The following ASTN2 variants were observed in gnomAD, a reference collection of about 807,000 sequenced individuals.
ASTN2 encodes astrotactin 2.
Under a neutral mutation model 139.8 loss-of-function variants are expected in ASTN2, and 54 were observed. That is an observed-to-expected ratio of 0.39 (90% CI 0.31 to 0.48). The LOEUF (loss-of-function observed/expected upper bound fraction) is 0.48, where lower values mean the gene tolerates loss of function less well. Ranked by LOEUF, ASTN2 falls within the 20% of genes least tolerant of loss-of-function variation. The probability of loss-of-function intolerance (pLI) is 0.95; values close to 1 mark genes in which losing one functional copy is unlikely to be tolerated. For synonymous variants in ASTN2, 756 were observed against 719.5 expected, an observed-to-expected ratio of 1.05 and a Z score of -0.81; for missense variants, 1,565 against 1,725.1, an observed-to-expected ratio of 0.91 and a Z score of 1.64.
intron 13 of ASTN2, among the ~76,000 whole-genome samples, chr9:116,768,772 C>G (rs1588277319): frequency 6.6e-6 from 1 of 152,296 alleles, no homozygotes; most frequent in Non-Finnish European, 1.5e-5. Flanking sequence ...GACAGCAAAT[C>G]TGCCTTGATT....
chr9:116,530,061 G>C (rs1393438424), intron 19 of ASTN2, among the ~76,000 whole-genome samples: 2 of 133,902 alleles, frequency 1.5e-5, no homozygotes, highest in Non-Finnish European at 3.1e-5. Context: ...GAATCAACCT[G>C]AGTATTCATC....
At chr9:117,217,941 T>A (rs182159602) in intron 2 of ASTN2, among the ~76,000 whole-genome samples, 63 of 152,352 alleles carry the variant, frequency 4.1e-4, no homozygotes, top group Middle Eastern at 3.4e-3. Flanking sequence ...CCTTTACACC[T>A]ATCATCATCC....
At chr9:116,844,960 G>A (rs534303182) in intron 11 of ASTN2, among the ~76,000 whole-genome samples, 1 of 152,266 alleles carries the variant, frequency 6.6e-6, no homozygotes, top group African/African-American at 2.4e-5. Flanking sequence ...ACACTTCTAT[G>A]AGATTGCTGT....
At chr9:117,232,123 A>G (rs1353992510) in intron 2 of ASTN2, among the ~76,000 whole-genome samples, 1 of 152,166 alleles carries the variant, frequency 6.6e-6, no homozygotes, top group Non-Finnish European at 1.5e-5. Flanking sequence ...TAACAGCAAA[A>G]GGTAACTGTC....
At chr9:116,527,325 T>G (rs1215360188) in intron 19 of ASTN2, among the ~76,000 whole-genome samples, 1 of 151,912 alleles carries the variant, frequency 6.6e-6, no homozygotes, top group Non-Finnish European at 1.5e-5. Context: ...TTTCAAAAAC[T>G]TAGTAAGAAA....
intron 13 of ASTN2, among the ~76,000 whole-genome samples, chr9:116,755,969 G>T (rs951852981): frequency 1.3e-5 from 2 of 152,250 alleles, no homozygotes; most frequent in Non-Finnish European, 2.9e-5. Flanking sequence ...CTAACACCTT[G>T]ATGGTGACCC....
At chr9:116,502,351 GAA>G (rs997317259) in intron 19 of ASTN2, among the ~76,000 whole-genome samples, 8 of 151,642 alleles carry the variant, frequency 5.3e-5, no homozygotes, top group Admixed American at 3.3e-4. Flanking sequence ...GAGAAATAGA[GAA>G]AGAGACCAAG....
chr9:116,734,532 A>G (rs1353675566), intron 13 of ASTN2, among the ~76,000 whole-genome samples: 1 of 152,132 alleles, frequency 6.6e-6, no homozygotes, highest in Non-Finnish European at 1.5e-5. Context: ...ATATTCAGAA[A>G]TTCCCAGCAT....
intron 4 of ASTN2, among the ~76,000 whole-genome samples, chr9:117,105,120 G>A (rs377109879): frequency 3.9e-5 from 6 of 151,964 alleles, no homozygotes; most frequent in African/African-American, 7.3e-5. Flanking sequence ...TGAGACCTTC[G>A]CCACACCCCC....
intron 1 of ASTN2, among the ~76,000 whole-genome samples, chr9:117,406,974 A>G (rs1831013228): frequency 6.6e-6 from 1 of 151,992 alleles, no homozygotes; most frequent in Non-Finnish European, 1.5e-5. Flanking sequence ...AGGCACATAG[A>G]ACAGTGACTC....
chr9:116,977,407 G>A (rs1404789532), intron 7 of ASTN2, among the ~76,000 whole-genome samples: 1 of 151,092 alleles, frequency 6.6e-6, no homozygotes, highest in Non-Finnish European at 1.5e-5. Context: ...CCTCTCTCTT[G>A]CCATTCTTTT....
intron 5 of ASTN2, among the ~76,000 whole-genome samples, chr9:117,087,519 C>A (rs901074855): frequency 1.3e-5 from 2 of 152,138 alleles, no homozygotes; most frequent in African/African-American, 4.8e-5. Context: ...TGAGCCACTG[C>A]GCCTGGTCAC....
chr9:116,705,757 A>T (rs1827974406), intron 16 of ASTN2, among the ~76,000 whole-genome samples: 1 of 152,166 alleles, frequency 6.6e-6, no homozygotes, highest in South Asian at 2.1e-4. Flanking sequence ...AGAGAGTAAG[A>T]TAAATGGTAA....
At chr9:116,952,341 G>C (rs1835586035) in intron 10 of ASTN2, among the ~76,000 whole-genome samples, 2 of 152,172 alleles carry the variant, frequency 1.3e-5, no homozygotes. Context: ...GCTCCAGAGA[G>C]TATAAGGCTG....
intron 1 of ASTN2, among the ~76,000 whole-genome samples, chr9:117,301,321 CCA>C (rs1834869824): frequency 6.6e-6 from 1 of 152,140 alleles, no homozygotes; most frequent in South Asian, 2.1e-4. Context: ...CTTCCTTGTC[CCA>C]CAACATTGCA....
chr9:116,716,308 T>C (rs1828312924), intron 16 of ASTN2, among the ~76,000 whole-genome samples: 1 of 152,156 alleles, frequency 6.6e-6, no homozygotes, highest in Non-Finnish European at 1.5e-5. Context: ...CCAAATAATA[T>C]AATGAGCAGT....
intron 19 of ASTN2, among the ~76,000 whole-genome samples, chr9:116,578,750 A>G (rs986939303): frequency 6.7e-6 from 1 of 149,942 alleles, no homozygotes; most frequent in African/African-American, 2.5e-5. Flanking sequence ...TTTATTTTAA[A>G]AAGCTGCGTT....
intron 6 of ASTN2, among the ~76,000 whole-genome samples, chr9:117,009,526 A>T (rs1837452339): frequency 6.6e-6 from 1 of 152,118 alleles, no homozygotes; most frequent in Admixed American, 6.6e-5. Flanking sequence ...TCACAGGGGG[A>T]AAAATATGTA....
chr9:117,227,494 G>C (rs1342628740), intron 2 of ASTN2, among the ~76,000 whole-genome samples: 1 of 152,158 alleles, frequency 6.6e-6, no homozygotes, highest in Non-Finnish European at 1.5e-5. Flanking sequence ...ATGGATGGAT[G>C]AATGGATTAC....
Sources: allele counts gnomAD v4.1 joint callset (sites outside exome capture counted in the v4.1 genomes callset), GRCh38; gene constraint gnomAD v4.1.1; transcripts MANE v1.5; gene names NCBI Gene and HGNC (gene_info 2026-07-23, HGNC 2026-07-21).